The following B3GLCT variants were observed in gnomAD, a reference collection of about 807,000 sequenced individuals.
B3GLCT encodes the protein beta 3-glucosyltransferase.
In B3GLCT, 65 loss-of-function variants were observed where a neutral mutation model predicts 63.4. The ratio of observed to expected loss-of-function variants is 1.03; its 90% confidence interval spans 0.84 to 1.26. The LOEUF (loss-of-function observed/expected upper bound fraction) is 1.26. B3GLCT is among the 50% of genes most tolerant of loss of function. The pLI is 0.00. For missense variants in B3GLCT, 577 were observed against 604.8 expected (o/e 0.95, Z 0.48); for synonymous variants, 233 against 219.2 (o/e 1.06, Z -0.55).
At chr13:31,214,855 C>T (rs1424633316) in intron 1 of B3GLCT, among the ~76,000 whole-genome samples, 196 bp from the exon 2 acceptor site, 1 of 152,146 alleles carries the variant, frequency 6.6e-6, no homozygotes, top group Non-Finnish European at 1.5e-5. Flanking sequence ...GTGTTGGCTT[C>T]GTGTTGATGA....
At chr13:31,218,284 G>T (rs1004801157) in intron 2 of B3GLCT, among the ~76,000 whole-genome samples, 1 of 151,164 alleles carries the variant, frequency 6.6e-6, no homozygotes, top group Non-Finnish European at 1.5e-5. Flanking sequence ...CCGCCTCCTG[G>T]ATTCAAGCGA....
Position 31,276,712 on chromosome 13 carries a change from TGAA to T in B3GLCT, c.799_801del (p.Lys267del), listed in dbSNP as rs1210075437. ...TTTTCTTTTTTTTAGAGAAAGCCAG[TGAA>T]GAAGAAGGATATTTTTGTTGCAGTA... On this transcript the variant is annotated inframe_deletion, in exon 10 of 15. Transcript: ENST00000343307. 2.5e-6 allele frequency: 4 copies of T among 1,611,706 alleles called. No homozygotes were observed. In the South Asian group the frequency reaches 3.3e-5, roughly 13 times the overall value.
intron 7 of B3GLCT, among the ~76,000 whole-genome samples, chr13:31,267,565 T>TA (rs1486809683): frequency 2.6e-5 from 4 of 152,240 alleles, no homozygotes; most frequent in African/African-American, 9.6e-5. Flanking sequence ...CCACCCCACT[T>TA]ATACTCACAG....
intron 12 of B3GLCT, among the ~76,000 whole-genome samples, chr13:31,296,823 T>A (rs1873969182): frequency 6.6e-6 from 1 of 152,118 alleles, no homozygotes; most frequent in Non-Finnish European, 1.5e-5. Flanking sequence ...AGTATACAGT[T>A]TAGTAGTATT....
intron 8 of B3GLCT, among the ~76,000 whole-genome samples, chr13:31,272,294 C>CA (rs1357607491): frequency 1.3e-5 from 2 of 150,116 alleles, no homozygotes; most frequent in Non-Finnish European, 2.9e-5. Context: ...TGGCTTACTG[C>CA]AACCTCCACA....
intron 8 of B3GLCT, among the ~76,000 whole-genome samples, chr13:31,273,731 A>G (rs1872665890): frequency 6.6e-6 from 1 of 152,134 alleles, no homozygotes. Context: ...GCCTGTTGCT[A>G]GTGGGTTATA....
chr13:31,236,687 A>G (rs1870661519), intron 4 of B3GLCT, among the ~76,000 whole-genome samples: 1 of 152,228 alleles, frequency 6.6e-6, no homozygotes, highest in Non-Finnish European at 1.5e-5. Flanking sequence ...TTTTTGGGTT[A>G]ACAAGTCTTT....
At chr13:31,245,041 A>G (rs1241391275) in intron 4 of B3GLCT, among the ~76,000 whole-genome samples, 2 of 152,188 alleles carry the variant, frequency 1.3e-5, no homozygotes, top group Non-Finnish European at 2.9e-5. Context: ...TATGAAATCT[A>G]GTATATGATT....
At chr13:31,260,884 T>A (rs1871991001) in intron 6 of B3GLCT, 62 bp from the exon 7 acceptor site, 4 of 1,487,532 alleles carry the variant, frequency 2.7e-6, no homozygotes, top group Non-Finnish European at 3.8e-6. Context: ...TAGTACCACC[T>A]TCTATTGGTC....
intron 6 of B3GLCT, among the ~76,000 whole-genome samples, chr13:31,253,840 T>C (rs1305001382): frequency 1.3e-5 from 2 of 151,840 alleles, no homozygotes; most frequent in Non-Finnish European, 2.9e-5. Flanking sequence ...CAATAAAAAA[T>C]GATAAAGGGG....
At chr13:31,323,355 A>G (rs930577439) in intron 13 of B3GLCT, among the ~76,000 whole-genome samples, 1 of 152,230 alleles carries the variant, frequency 6.6e-6, no homozygotes, top group African/African-American at 2.4e-5. Context: ...CAGTGGGACT[A>G]TATGGATGAA....
In B3GLCT at chr13:31,330,823, ATTAC is replaced by A. The variant is rs975776487; in HGVS notation, c.*1158_*1161del. ...ATATGTCTTAAACTAATTTTGGTAA[ATTAC>A]TTCTTTTTTTTCTTTTTAATAAAAA... is the stretch of plus-strand genomic sequence containing the variant. On this transcript the variant is annotated 3_prime_UTR_variant, in exon 15 of 15. Transcript: ENST00000343307. 1 of 152,002 alleles carries A rather than the reference ATTAC, an allele frequency of 6.6e-6. No homozygotes were observed. Among genetic ancestry groups the A allele is most frequent in the Non-Finnish European group, 1.5e-5 (1 of 68,004 alleles). 9.4% of individuals were successfully genotyped at this position (152,002 alleles called of 1,614,324 possible).
chr13:31,200,257 GC>G, intron 1 of B3GLCT, 103 bp downstream of exon 1: 1 of 593,732 alleles, frequency 1.7e-6, no homozygotes, highest in East Asian at 1.1e-4. Flanking sequence ...GGGCGGCCCA[GC>G]CCTGCCCCGC....
chr13:31,229,252 G>GT lies in B3GLCT; in HGVS notation c.230dup (p.Leu77PhefsTer27), dbSNP rs1593258510. On this transcript the variant is annotated frameshift_variant, in exon 4 of 15. Transcript: ENST00000343307. LOFTEE classifies it high-confidence loss of function. ...CTTTTCATGCAAAGAGAGCAGAGCA[G>GT]TTAAAAAAAAGCATCTTAAAGCAGG... 2.5e-6 allele frequency: 4 copies of GT among 1,613,582 alleles called. No individual in the cohort carries two copies. The highest frequency in any genetic ancestry group is 3.4e-6 in the Non-Finnish European group (4 of 1,179,492).
At chr13:31,242,664 A>G (rs1224171707) in intron 4 of B3GLCT, among the ~76,000 whole-genome samples, 1 of 152,224 alleles carries the variant, frequency 6.6e-6, no homozygotes, top group Non-Finnish European at 1.5e-5. Context: ...CAGATCCTTA[A>G]ATACTGAGCT....
chr13:31,290,098 A>G (rs1049357865), intron 12 of B3GLCT, among the ~76,000 whole-genome samples: 4 of 152,070 alleles, frequency 2.6e-5, no homozygotes, highest in Non-Finnish European at 5.9e-5. Flanking sequence ...ACTCCCACTT[A>G]TGACTGAGAA....
intron 4 of B3GLCT, among the ~76,000 whole-genome samples, chr13:31,232,055 G>A (rs941604274): frequency 6.6e-6 from 1 of 152,178 alleles, no homozygotes; most frequent in Non-Finnish European, 1.5e-5. Context: ...ATTCAACAGA[G>A]CAGAAGGAAC....
At chr13:31,323,270 T>G (rs1463123647) in intron 13 of B3GLCT, among the ~76,000 whole-genome samples, 1 of 152,228 alleles carries the variant, frequency 6.6e-6, no homozygotes, top group African/African-American at 2.4e-5. Context: ...AAGGTCTTTG[T>G]AAAGGCGACT....
intron 12 of B3GLCT, among the ~76,000 whole-genome samples, chr13:31,310,773 A>G (rs569168778): frequency 2.2e-4 from 34 of 152,076 alleles, no homozygotes; most frequent in Non-Finnish European, 4.1e-4. Flanking sequence ...AAAGGGTAAC[A>G]CCCCTTGGGG....
Sources: allele counts gnomAD v4.1 joint callset (sites outside exome capture counted in the v4.1 genomes callset), GRCh38; gene constraint gnomAD v4.1.1; transcripts MANE v1.5; gene names NCBI Gene and HGNC (gene_info 2026-07-23, HGNC 2026-07-21).